RALGAPA1: variants seen among roughly 807,000 people sequenced by gnomAD.
RALGAPA1 encodes ral GTPase-activating protein subunit alpha-1.
RALGAPA1 carries 52 observed loss-of-function variants against 269.6 expected under a neutral mutation model. The observed-to-expected ratio is 0.19, with a 90% CI of 0.15 to 0.24. The LOEUF (loss-of-function observed/expected upper bound fraction) is 0.24, where lower values mean the gene tolerates loss of function less well. Among genes scored for constraint, RALGAPA1 ranks in the 10% least tolerant of loss-of-function variants. The probability of loss-of-function intolerance (pLI) is 1.00; values close to 1 mark genes in which losing one functional copy is unlikely to be tolerated. For missense variants in RALGAPA1, 1,917 were observed against 3,013.9 expected (o/e 0.64, Z 8.52); for synonymous variants, 817 against 1,008.3 (o/e 0.81, Z 3.60).
intron 10 of RALGAPA1, among the ~76,000 whole-genome samples, chr14:35,745,831 T>C (rs185813914): frequency 1.8e-4 from 25 of 138,096 alleles, no homozygotes; most frequent in African/African-American, 6.4e-4. Flanking sequence ...ATGCCTTCAA[T>C]CCCAGCACGC....
At chr14:35,629,597 G>A (rs1458136989) in intron 33 of RALGAPA1, among the ~76,000 whole-genome samples, 2 of 152,028 alleles carry the variant, frequency 1.3e-5, no homozygotes, top group African/African-American at 4.8e-5. Flanking sequence ...TCCACCTCCC[G>A]TGTTCAAGCG....
intron 35 of RALGAPA1, among the ~76,000 whole-genome samples, chr14:35,616,008 TG>T (rs1225805838): frequency 1.3e-5 from 2 of 152,086 alleles, no homozygotes; most frequent in African/African-American, 4.8e-5. Context: ...TTGTTAAAAC[TG>T]TCTTGGAAAG....
chr14:35,646,418 T>C (rs2062440446), intron 31 of RALGAPA1, among the ~76,000 whole-genome samples: 1 of 152,158 alleles, frequency 6.6e-6, no homozygotes, highest in Admixed American at 6.5e-5. Flanking sequence ...ATATAATGTA[T>C]TAAGAGGTGC....
At chr14:35,752,278 A>G in intron 7 of RALGAPA1, 116 bp from the exon 8 acceptor site, 1 of 1,150,252 alleles carries the variant, frequency 8.7e-7, no homozygotes, top group South Asian at 2.0e-5. Context: ...TGTTAACACT[A>G]AAGATCATGA....
At chr14:35,671,822 A>C (rs2064467905) in intron 25 of RALGAPA1, among the ~76,000 whole-genome samples, 1 of 152,242 alleles carries the variant, frequency 6.6e-6, no homozygotes, top group African/African-American at 2.4e-5. Flanking sequence ...CACACAATGT[A>C]AAACTAAACT....
chr14:35,697,682 G>A (rs1482101869), intron 17 of RALGAPA1, among the ~76,000 whole-genome samples: 1 of 151,456 alleles, frequency 6.6e-6, no homozygotes. Flanking sequence ...GGTTTTCTAA[G>A]GGCCTTTGGT....
In RALGAPA1 at chr14:35,654,198, A is replaced by G. The variant is rs142906948; in HGVS notation, c.5607+169T>C. Among the ~76,000 whole-genome samples, 664 of 152,320 alleles carry G rather than the reference A, an allele frequency of 4.4e-3. 5 individuals are homozygous for G. The highest frequency in any genetic ancestry group is 0.015 in the African/African-American group (636 of 41,562). On this transcript the variant is annotated intron_variant, in intron 30 of 41. Transcript: ENST00000680220. ...ACCAGGAATGCAATCTTCTAACATA[A>G]AAGACAAGGGAACTATCATGAACTT...
intron 39 of RALGAPA1, among the ~76,000 whole-genome samples, chr14:35,558,936 T>C (rs1309655244): frequency 1.3e-5 from 2 of 152,174 alleles, no homozygotes; most frequent in Admixed American, 6.5e-5. Flanking sequence ...CATATCATAC[T>C]GGACCATATG....
chr14:35,648,668 GGCGTACGC>G (rs1294696160), intron 31 of RALGAPA1, among the ~76,000 whole-genome samples: 2 of 152,070 alleles, frequency 1.3e-5, no homozygotes, highest in African/African-American at 4.8e-5. Context: ...TGGGCATGGT[GGCGTACGC>G]CTGTGGTCCC....
intron 37 of RALGAPA1, among the ~76,000 whole-genome samples, chr14:35,586,250 T>C (rs2058278861): frequency 6.6e-6 from 1 of 152,226 alleles, no homozygotes; most frequent in Admixed American, 6.5e-5. Flanking sequence ...TTTGGCTGTT[T>C]GTCTATTATT....
intron 17 of RALGAPA1, among the ~76,000 whole-genome samples, chr14:35,694,354 G>GT (rs1416059789): frequency 3.3e-5 from 5 of 152,004 alleles, no homozygotes; most frequent in Non-Finnish European, 7.4e-5. Context: ...TTGAAACTCA[G>GT]TTTTTTTCTG....
At chr14:35,619,663 G>C (rs1050700603) in intron 35 of RALGAPA1, among the ~76,000 whole-genome samples, 1 of 151,982 alleles carries the variant, frequency 6.6e-6, no homozygotes, top group Non-Finnish European at 1.5e-5. Flanking sequence ...ATGACAAAGG[G>C]GGTATCACCA....
At chr14:35,635,383 A>C in intron 32 of RALGAPA1, 81 bp downstream of exon 32, 1 of 1,385,752 alleles carries the variant, frequency 7.2e-7, no homozygotes, top group Non-Finnish European at 9.5e-7. Context: ...AAAGAATAAA[A>C]ATGTTATACT....
chr14:35,638,929 A>G (rs143503371), intron 31 of RALGAPA1, among the ~76,000 whole-genome samples: 39 of 152,260 alleles, frequency 2.6e-4, no homozygotes, highest in Middle Eastern at 3.4e-3. Flanking sequence ...CTGTCTCAAA[A>G]AGAAAGAAAG....
chr14:35,603,389 A>G (rs989667676), intron 36 of RALGAPA1, among the ~76,000 whole-genome samples: 7 of 152,164 alleles, frequency 4.6e-5, no homozygotes, highest in African/African-American at 1.4e-4. Context: ...GTTGGGTAAA[A>G]AAGTATACTA....
chr14:35,731,349 A>C (rs941103116), intron 12 of RALGAPA1, among the ~76,000 whole-genome samples: 1 of 152,170 alleles, frequency 6.6e-6, no homozygotes, highest in Non-Finnish European at 1.5e-5. Flanking sequence ...CAAGAATCAC[A>C]TTAGCTCACG....
chr14:35,730,721 T>C (rs1028209919), intron 12 of RALGAPA1, among the ~76,000 whole-genome samples: 1 of 152,144 alleles, frequency 6.6e-6, no homozygotes, highest in African/African-American at 2.4e-5. Flanking sequence ...TCACAGCAGC[T>C]GTAGCAAGAC....
At chr14:35,589,520 C>A (rs189421391) in intron 37 of RALGAPA1, among the ~76,000 whole-genome samples, 5 of 151,968 alleles carry the variant, frequency 3.3e-5, no homozygotes, top group Admixed American at 3.3e-4. Flanking sequence ...TAAATATATA[C>A]AATTTCAATT....
intron 35 of RALGAPA1, among the ~76,000 whole-genome samples, chr14:35,608,682 C>A (rs935926184): frequency 7.2e-5 from 11 of 152,070 alleles, no homozygotes; most frequent in African/African-American, 2.7e-4. Context: ...AACAGAGCCC[C>A]AAAATACATG....
Sources: allele counts gnomAD v4.1 joint callset (sites outside exome capture counted in the v4.1 genomes callset), GRCh38; gene constraint gnomAD v4.1.1; transcripts MANE v1.5; gene names NCBI Gene and HGNC (gene_info 2026-07-23, HGNC 2026-07-21).